Variants in ITPA observed in about 807,000 individuals in gnomAD.
The protein encoded by ITPA is inosine triphosphate pyrophosphatase.
In ITPA, 29 loss-of-function variants were observed where a neutral mutation model predicts 29.6. That is an observed-to-expected ratio of 0.98 (90% confidence interval 0.73 to 1.34). The LOEUF is 1.34. Ranked by LOEUF, ITPA falls within the 40% of genes most tolerant of loss-of-function variation. The pLI, the probability that ITPA is intolerant of heterozygous loss-of-function variation, is 0.00. For missense variants in ITPA, 241 were observed against 251.5 expected (o/e 0.96, Z 0.28); for synonymous variants, 103 against 99.3 (o/e 1.04, Z -0.22).
rs144682597 is a variant in ITPA at position 3,213,198 on chromosome 20, A to G, written c.96A>G (p.Pro32=). ...EVVQILGDKF[P]CTLVAQKIDL... ...TTCAGATTCTAGGAGATAAGTTTCC[A>G]TGCACTTTGGTGGCACAGAAAATTG... is the stretch of plus-strand genomic sequence containing the variant. The change falls in exon 2 of 8, where the codon CCA becomes CCG. Residue 32 remains proline, a synonymous_variant. Coordinates refer to ENST00000380113, the MANE Select transcript of ITPA (RefSeq NM_033453.4). 840 of 1,614,074 alleles carry G rather than the reference A, an allele frequency of 5.2e-4. No homozygotes were observed. Among genetic ancestry groups the G allele is most frequent in the Non-Finnish European group, 6.6e-4 (776 of 1,180,020 alleles).
downstream of ITPA, among the ~76,000 whole-genome samples, chr20:3,227,183 C>A (rs2067564445): frequency 6.6e-6 from 1 of 152,250 alleles, no homozygotes; most frequent in Non-Finnish European, 1.5e-5. Flanking sequence ...TGGACCCTTG[C>A]ACATGCTGTT....
upstream of ITPA, among the ~76,000 whole-genome samples, chr20:3,205,992 G>C (rs915923234): frequency 6.7e-6 from 1 of 149,220 alleles, no homozygotes; most frequent in Non-Finnish European, 1.5e-5. Flanking sequence ...GGGGGCGGAC[G>C]TTGCAGTGAG....
downstream of ITPA, among the ~76,000 whole-genome samples, chr20:3,225,293 G>A (rs370372288): frequency 1.3e-5 from 2 of 152,102 alleles, no homozygotes; most frequent in East Asian, 1.9e-4. Flanking sequence ...GTCTTTTTGT[G>A]TGCTAATGAG....
At chr20:3,222,225 T>A (rs570455940) in intron 7 of ITPA, among the ~76,000 whole-genome samples, 1 of 151,608 alleles carries the variant, frequency 6.6e-6, no homozygotes, top group East Asian at 1.9e-4. Flanking sequence ...ATCTGACTTT[T>A]TTTTTTTTTT....
upstream of ITPA, chr20:3,204,480 G>A (rs74787085): frequency 8.6e-6 from 13 of 1,512,142 alleles, no homozygotes; most frequent in Admixed American, 4.0e-5. Context: ...GGTCCACAAA[G>A]GCTCAGAAGG....
intron 1 of ITPA, 75 bp from the exon 2 acceptor site, chr20:3,213,094 A>G (rs1324144601): frequency 5.6e-6 from 8 of 1,417,590 alleles, no homozygotes; most frequent in South Asian, 1.1e-5. Context: ...TCGATGAGAA[A>G]GGCGGATGAC....
chr20:3,216,276 C>T (rs575777456), intron 5 of ITPA, among the ~76,000 whole-genome samples: 3 of 151,248 alleles, frequency 2.0e-5, no homozygotes, highest in East Asian at 3.9e-4. Flanking sequence ...TCTCCTGCCT[C>T]AGCCTCCTGA....
downstream of ITPA, among the ~76,000 whole-genome samples, chr20:3,224,600 C>T (rs1274412673): frequency 1.3e-5 from 2 of 152,210 alleles, no homozygotes; most frequent in Non-Finnish European, 2.9e-5. Flanking sequence ...GGAGGTGCTG[C>T]GTCCCTGCCC....
At position 3,218,589 on chromosome 20, in the gene ITPA, G is replaced by A; in HGVS notation, c.368G>A (p.Gly123Glu). The A allele has an allele frequency of 1.2e-6, 2 of 1,613,814 alleles. No homozygotes were observed. Among genetic ancestry groups the A allele is most frequent in the Non-Finnish European group, 1.7e-6 (2 of 1,179,952 alleles). ...CTCTGCACGTTTGCACTCAGCACCG[G>A]GGACCCAAGCCAGCCCGTGCGCCTG... ...YALCTFALST[G>E]DPSQPVRLFR... is the part of the protein sequence containing the mutation. Residue 123 changes from glycine (G) to glutamate (E), a missense_variant, in exon 6 of 8, where the codon GGG becomes GAG. Transcript: ENST00000380113.
chr20:3,225,000 T>G (rs1310259333), downstream of ITPA, among the ~76,000 whole-genome samples: 1 of 152,172 alleles, frequency 6.6e-6, no homozygotes, highest in Middle Eastern at 3.2e-3. Context: ...AGCCCAGGAC[T>G]TCATAACCAG....
At chr20:3,218,853 G>A (rs1226616845) in intron 6 of ITPA, 1 of 606,898 alleles carries the variant, frequency 1.6e-6, no homozygotes, top group East Asian at 2.9e-5. Flanking sequence ...AGTTGCCTAC[G>A]CCTTGCTGAG....
upstream of ITPA, chr20:3,204,457 G>A: frequency 2.1e-6 from 3 of 1,424,896 alleles, no homozygotes; most frequent in Non-Finnish European, 2.8e-6. Flanking sequence ...ACGCGCAGGA[G>A]CCGCGGCGCG....
intron 6 of ITPA, 47 bp from the exon 7 acceptor site, chr20:3,221,794 T>C: frequency 6.4e-7 from 1 of 1,570,382 alleles, no homozygotes; most frequent in Non-Finnish European, 8.8e-7. Context: ...TCCTCGTGCT[T>C]GTCCTCTGGA....
chr20:3,221,962 G>T lies in ITPA; in HGVS notation c.488+45G>T, dbSNP rs768426001. ...TTCCCTGGGGTGTGGGGTTGGTACAGCCATGGTTTGGGTTGGGCCAGTGCC... is the reference window on the plus strand; with the variant it reads ...TTCCCTGGGGTGTGGGGTTGGTACATCCATGGTTTGGGTTGGGCCAGTGCC... On this transcript the variant is annotated intron_variant, in intron 7 of 7. Coordinates refer to ENST00000380113, the MANE Select transcript of ITPA (RefSeq NM_033453.4). 8.2e-6 allele frequency: 13 copies of T among 1,588,994 alleles called. No homozygotes were observed. In the Admixed American group the frequency reaches 2.0e-4, roughly 24 times the overall value.
intron 6 of ITPA, among the ~76,000 whole-genome samples, chr20:3,220,065 AAC>A (rs2067424108): frequency 6.9e-6 from 1 of 145,156 alleles, no homozygotes; most frequent in African/African-American, 2.6e-5. Context: ...AAAAAAAACA[AAC>A]CTTAATTATT....
chr20:3,218,664 C>T (rs762689015), intron 6 of ITPA, 32 bp downstream of exon 6: 9 of 1,552,580 alleles, frequency 5.8e-6, no homozygotes, highest in Admixed American at 1.7e-5. Flanking sequence ...GTTCCCGCCG[C>T]GCGCCGCCAG....
chr20:3,226,343 T>C (rs532296407), downstream of ITPA, among the ~76,000 whole-genome samples: 8 of 152,334 alleles, frequency 5.3e-5, no homozygotes, highest in East Asian at 1.5e-3. This position sits in a 1 kb window ranked among gnomAD's most constrained non-coding sequence, Gnocchi z 4.4. Flanking sequence ...TTGACTGTTG[T>C]GCACAGTGAG....
chr20:3,216,866 T>C (rs6139032), intron 5 of ITPA, among the ~76,000 whole-genome samples: 36,747 of 151,994 alleles, frequency 0.24, 5,419 homozygotes, highest in South Asian at 0.52. Context: ...ATTACGGGCA[T>C]GAGCCACCAC....
At chr20:3,225,152 G>C (rs1456227552), downstream of ITPA, among the ~76,000 whole-genome samples, 2 of 152,158 alleles carry the variant, frequency 1.3e-5, no homozygotes, top group African/African-American at 2.4e-5. Flanking sequence ...GCAGTGAGCC[G>C]TGATTGCGCC....
Sources: gnomAD v4.1 joint callset for allele counts (sites outside exome capture counted in the v4.1 genomes callset) on GRCh38, gnomAD v4.1.1 for gene constraint, Gnocchi (gnomAD v3.1) non-coding constraint, MANE v1.5 for transcripts, NCBI Gene and HGNC (gene_info 2026-07-23, HGNC 2026-07-21) for gene names.